Variants in SLC10A2 observed in about 807,000 individuals in gnomAD.
The protein encoded by SLC10A2 is ileal sodium/bile acid cotransporter.
In SLC10A2, 34 loss-of-function variants were observed where a neutral mutation model predicts 27.1. The observed-to-expected ratio is 1.26, with a 90% CI of 0.96 to 1.67. The LOEUF (loss-of-function observed/expected upper bound fraction) is 1.67. Among genes scored for constraint, SLC10A2 ranks in the 40% most tolerant of loss-of-function variants. SLC10A2 has a pLI of 0.00. For missense variants in SLC10A2, 530 were observed against 444.4 expected (o/e 1.19, Z -1.73); for synonymous variants, 205 against 174.0 (o/e 1.18, Z -1.40).
chr13:103,065,194 G>C (rs1412410839), intron 1 of SLC10A2, among the ~76,000 whole-genome samples: 1 of 152,080 alleles, frequency 6.6e-6, no homozygotes, highest in East Asian at 1.9e-4. Context: ...TGCTAGTTCA[G>C]ACTGGCACGG....
rs767818213 is a variant in SLC10A2 at position 103,066,088 on chromosome 13, T to C, written c.162A>G (p.Glu54=). 2 of 1,614,190 alleles carry C rather than the reference T, an allele frequency of 1.2e-6. No individual in the cohort carries two copies. Among genetic ancestry groups the C allele is most frequent in the East Asian group, 4.5e-5 (2 of 44,876 alleles). Residue 54 remains glutamate, a synonymous_variant, in exon 1 of 6, where the codon GAA becomes GAG. Coordinates refer to ENST00000245312, the MANE Select transcript of SLC10A2 (RefSeq NM_000452.3). The part of the protein sequence containing the change: ...LVMFSMGCNV[E]IKKFLGHIKR... ...TTATGTGCCCTAGAAATTTCTTGATTTCCACGTTGCATCCCATGGAGAACA... is the reference window on the plus strand; with the variant it reads ...TTATGTGCCCTAGAAATTTCTTGATCTCCACGTTGCATCCCATGGAGAACA...
Position 103,051,401 on chromosome 13 carries a change from A to C in SLC10A2, c.617T>G (p.Val206Gly). Residue 206 changes from valine to glycine, a missense_variant, in exon 4 of 6, where the codon GTG becomes GGG. Physicochemically the swap from Val to Gly is moderately radical, Grantham distance 109. Coordinates refer to ENST00000245312, the MANE Select transcript of SLC10A2 (RefSeq NM_000452.3). ...IGSIAGAILIVLIAVVGGILY... is the reference protein window; with the variant it reads ...IGSIAGAILIGLIAVVGGILY... ...TATTCCTCCAACCACAGCTATGAGC[A>C]CAATGAGGATGGCGCCCGCGATGGA... 1 of 1,614,094 alleles carries C rather than the reference A, an allele frequency of 6.2e-7. No individual in the cohort carries two copies. Among genetic ancestry groups the C allele is most frequent in the Non-Finnish European group, 8.5e-7 (1 of 1,179,972 alleles).
intron 1 of SLC10A2, 95 bp downstream of exon 1, chr13:103,065,778 T>A (rs896116083): frequency 1.4e-6 from 2 of 1,393,102 alleles, no homozygotes; most frequent in Admixed American, 3.4e-5. Flanking sequence ...ATACTTTAGA[T>A]GCGTGGCAAA....
chr13:103,048,413 AAAGAAAAG>A (rs1875675645), intron 5 of SLC10A2, among the ~76,000 whole-genome samples: 6 of 144,062 alleles, frequency 4.2e-5, no homozygotes, highest in Non-Finnish European at 7.7e-5. Flanking sequence ...AAAAAAAAGA[AAAGAAAAG>A]AAAAAAAGAA....
intron 2 of SLC10A2, among the ~76,000 whole-genome samples, chr13:103,054,174 T>C (rs1433855340): frequency 6.6e-6 from 1 of 152,028 alleles, no homozygotes; most frequent in Non-Finnish European, 1.5e-5. Context: ...TGTGATCTGG[T>C]TGTCTATAAG....
chr13:103,057,574 T>C (rs1875976497), intron 2 of SLC10A2, among the ~76,000 whole-genome samples: 1 of 152,122 alleles, frequency 6.6e-6, no homozygotes, highest in Non-Finnish European at 1.5e-5. Context: ...TTTGAAACCA[T>C]TATGTGATTT....
intron 3 of SLC10A2, 144 bp from the exon 4 acceptor site, chr13:103,051,576 AGGCTGC>A: frequency 1.2e-6 from 1 of 865,240 alleles, no homozygotes; most frequent in Non-Finnish European, 1.9e-6. Flanking sequence ...CCAAGCCAGG[AGGCTGC>A]AATCAGCCCA....
intron 3 of SLC10A2, among the ~76,000 whole-genome samples, chr13:103,051,992 A>G (rs746699876): frequency 2.6e-5 from 4 of 152,106 alleles, no homozygotes; most frequent in Non-Finnish European, 4.4e-5. Flanking sequence ...GATTATAAAC[A>G]TTTTTTGTCA....
chr13:103,053,056 A>G (rs1875833324), intron 2 of SLC10A2, among the ~76,000 whole-genome samples: 1 of 150,536 alleles, frequency 6.6e-6, no homozygotes. Context: ...GGATCTTTAT[A>G]TCTCTAGGAA....
intron 2 of SLC10A2, among the ~76,000 whole-genome samples, chr13:103,055,330 G>T (rs1455513206): frequency 6.6e-6 from 1 of 152,172 alleles, no homozygotes; most frequent in African/African-American, 2.4e-5. Flanking sequence ...CAGCTGCATG[G>T]TCTGCCTCCT....
At chr13:103,048,206 C>T (rs940710368) in intron 5 of SLC10A2, among the ~76,000 whole-genome samples, 1 of 151,870 alleles carries the variant, frequency 6.6e-6, no homozygotes, top group African/African-American at 2.4e-5. Context: ...CTGCCCGCCT[C>T]GGAACCCCGT....
chr13:103,055,641 A>G (rs557750292), intron 2 of SLC10A2, among the ~76,000 whole-genome samples: 1 of 152,318 alleles, frequency 6.6e-6, no homozygotes, highest in Admixed American at 6.5e-5. Flanking sequence ...TATCTGTAGA[A>G]AGTAAAAAGT....
intron 5 of SLC10A2, among the ~76,000 whole-genome samples, 180 bp downstream of exon 5, chr13:103,049,109 G>A (rs1351309069): frequency 1.3e-5 from 2 of 152,098 alleles, no homozygotes; most frequent in African/African-American, 4.8e-5. Context: ...AGAATCTTTT[G>A]GTAAAACTAC....
chr13:103,046,141 C>T lies in SLC10A2; in HGVS notation c.1039G>A (p.Glu347Lys), dbSNP rs766114543. Residue 347 changes from glutamate to lysine, a missense_variant, in exon 6 of 6, where the codon GAA (glutamate) becomes AAA (lysine). Glu to Lys is a moderately conservative substitution (Grantham distance 56). Coordinates refer to ENST00000245312, the MANE Select transcript of SLC10A2 (RefSeq NM_000452.3). Reference protein sequence around the residue: ...YKANGGFQPDEK With the variant: ...YKANGGFQPDKK ...TTTTGTCCACTTGATGTCTACTTTT[C>T]GTCAGGTTGAAATCCTCCATTTGCC... 2.1e-5 allele frequency: 34 copies of T among 1,613,770 alleles called. No individual in the cohort carries two copies. Among genetic ancestry groups the T allele is most frequent in the African/African-American group, 9.3e-5 (7 of 74,998 alleles).
chr13:103,056,899 A>T (rs1328242081), intron 2 of SLC10A2, among the ~76,000 whole-genome samples: 3 of 152,192 alleles, frequency 2.0e-5, no homozygotes, highest in African/African-American at 7.2e-5. Flanking sequence ...GAGGCTACAA[A>T]CATTGTAATA....
In SLC10A2 at chr13:103,044,470, T is replaced by A. The variant is rs1875549114; in HGVS notation, c.*1663A>T. 6.6e-6 allele frequency: 1 copy of A among 152,200 alleles called. No individual in the cohort carries two copies. Among genetic ancestry groups the A allele is most frequent in the African/African-American group, 2.4e-5 (1 of 41,460 alleles). 9.4% of individuals were successfully genotyped at this position (152,200 alleles called of 1,614,324 possible). A position where few individuals can be genotyped will look rare whatever the true frequency, so the allele number is the denominator to read the frequency against. Reference sequence around the variant, plus strand: ...AGAAGGAAGTCTGTACCCCCTCTCCTCCACTATCTCTTAAAATTATTTAGT... The same window carrying A: ...AGAAGGAAGTCTGTACCCCCTCTCCACCACTATCTCTTAAAATTATTTAGT... On this transcript the variant is annotated 3_prime_UTR_variant, in exon 6 of 6. Transcript: ENST00000245312.
chr13:103,060,027 A>G (rs1028633408), intron 1 of SLC10A2, among the ~76,000 whole-genome samples: 1 of 152,024 alleles, frequency 6.6e-6, no homozygotes, highest in African/African-American at 2.4e-5. Context: ...GCATTTTAAT[A>G]AGAGGGTCTG....
intron 2 of SLC10A2, among the ~76,000 whole-genome samples, chr13:103,057,351 T>C (rs1875969132): frequency 6.6e-6 from 1 of 152,182 alleles, no homozygotes; most frequent in African/African-American, 2.4e-5. Context: ...TCTCCCACTA[T>C]AATTTGTTTC....
Position 103,044,637 on chromosome 13 carries a change from T to C in SLC10A2, c.*1496A>G, listed in dbSNP as rs3803258. 23,361 of 152,228 alleles carry C rather than the reference T, an allele frequency of 0.15. 2,018 individuals carry two copies. Among genetic ancestry groups the C allele is most frequent in the South Asian group, 0.27 (1,314 of 4,822 alleles). 9.4% of individuals were successfully genotyped at this position (152,228 alleles called of 1,614,324 possible). ...TACTGGAAGAGCTAAGTTGAGTTCCTGTTCCCATAATGCTTGGGTGCACCA... is the reference window on the plus strand; with the variant it reads ...TACTGGAAGAGCTAAGTTGAGTTCCCGTTCCCATAATGCTTGGGTGCACCA... On this transcript the variant is annotated 3_prime_UTR_variant, in exon 6 of 6. Transcript: ENST00000245312.
Sources: gnomAD v4.1 joint callset for allele counts (sites outside exome capture counted in the v4.1 genomes callset) on GRCh38, gnomAD v4.1.1 for gene constraint, MANE v1.5 for transcripts, NCBI Gene and HGNC (gene_info 2026-07-23, HGNC 2026-07-21) for gene names.